CDR2: variants seen among roughly 807,000 people sequenced by gnomAD.
The protein encoded by CDR2 is cerebellar degeneration related protein 2.
A neutral mutation model predicts 48.4 loss-of-function variants in CDR2; 34 were observed. The ratio of observed to expected loss-of-function variants is 0.70; its 90% CI spans 0.53 to 0.94. CDR2 has a LOEUF of 0.94. CDR2 is among the 40% of genes least tolerant of loss of function. The probability of loss-of-function intolerance (pLI) is 0.00; values close to 1 mark genes in which losing one functional copy is unlikely to be tolerated. For synonymous variants in CDR2, 240 were observed against 219.7 expected (o/e 1.09, Z -0.82); for missense variants, 498 against 549.5 (o/e 0.91, Z 0.94).
chr16:22,372,897 G>T (rs976208205), intron 1 of CDR2, among the ~76,000 whole-genome samples: 1 of 152,132 alleles, frequency 6.6e-6, no homozygotes, highest in Non-Finnish European at 1.5e-5. Context: ...TGGTTAGCAT[G>T]AACAAGCAAC....
chr16:22,366,325 T>A (rs575807232), intron 1 of CDR2, among the ~76,000 whole-genome samples: 73 of 152,182 alleles, frequency 4.8e-4, no homozygotes, highest in Non-Finnish European at 8.4e-4. Flanking sequence ...ATTAAAAAAA[T>A]ATCCCTGCCC....
chr16:22,349,142 G>T, intron 4 of CDR2, 137 bp downstream of exon 4: 1 of 840,008 alleles, frequency 1.2e-6, no homozygotes, highest in Non-Finnish European at 1.9e-6. Flanking sequence ...ATGTTTAAGT[G>T]ATTTTGTTCA....
At chr16:22,360,901 C>A (rs922257122) in intron 2 of CDR2, among the ~76,000 whole-genome samples, 2 of 151,850 alleles carry the variant, frequency 1.3e-5, no homozygotes, top group Non-Finnish European at 1.5e-5. Flanking sequence ...AGGGATGCAC[C>A]ACCATGCCCA....
At chr16:22,352,616 G>A (rs1216972594) in intron 2 of CDR2, among the ~76,000 whole-genome samples, 1 of 151,912 alleles carries the variant, frequency 6.6e-6, no homozygotes, top group African/African-American at 2.4e-5. Flanking sequence ...TATGAACTAA[G>A]ACTATAAACA....
chr16:22,362,213 T>C (rs1416893114), intron 2 of CDR2, among the ~76,000 whole-genome samples: 1 of 152,226 alleles, frequency 6.6e-6, no homozygotes, highest in African/African-American at 2.4e-5. Flanking sequence ...ATTTTATACC[T>C]ATTTAATCAT....
intron 1 of CDR2, among the ~76,000 whole-genome samples, chr16:22,370,576 T>A (rs2049069320): frequency 6.6e-6 from 1 of 152,190 alleles, no homozygotes; most frequent in African/African-American, 2.4e-5. Flanking sequence ...TTACCTGCAC[T>A]GAAGGCTCCT....
chr16:22,350,359 C>A (rs1275391024), intron 2 of CDR2, among the ~76,000 whole-genome samples: 2 of 152,158 alleles, frequency 1.3e-5, no homozygotes, highest in Non-Finnish European at 2.9e-5. Context: ...TTCTCCAGGT[C>A]TTCTCTCACA....
At chr16:22,366,800 G>A (rs1462172914) in intron 1 of CDR2, among the ~76,000 whole-genome samples, 2 of 152,112 alleles carry the variant, frequency 1.3e-5, no homozygotes, top group African/African-American at 2.4e-5. Flanking sequence ...AGGGTGAATG[G>A]GACAAAGGTG....
chr16:22,358,715 C>T (rs886270949), intron 2 of CDR2, among the ~76,000 whole-genome samples: 45 of 152,160 alleles, frequency 3.0e-4, no homozygotes, highest in Non-Finnish European at 3.1e-4. Flanking sequence ...GAAATATTTC[C>T]TATTACTTTT....
intron 4 of CDR2, 78 bp from the exon 5 acceptor site, chr16:22,347,901 CA>C: frequency 7.5e-7 from 1 of 1,337,130 alleles, no homozygotes; most frequent in Non-Finnish European, 1.0e-6. Flanking sequence ...GATTTTTTTT[CA>C]ACTAAATAAA....
chr16:22,368,926 G>A (rs1236585099), intron 1 of CDR2: 1 of 152,156 alleles, frequency 6.6e-6, no homozygotes, highest in Non-Finnish European at 1.5e-5. Context: ...AAATGAAAAA[G>A]GAACTATGTA....
chr16:22,350,592 C>A (rs2048935683), intron 2 of CDR2, among the ~76,000 whole-genome samples: 1 of 152,110 alleles, frequency 6.6e-6, no homozygotes, highest in Admixed American at 6.6e-5. Flanking sequence ...TTTTATTATA[C>A]CACAATACCA....
chr16:22,367,192 T>G (rs1404751550), intron 1 of CDR2: 1 of 152,174 alleles, frequency 6.6e-6, no homozygotes, highest in African/African-American at 2.4e-5. Context: ...CCCAGCTTAC[T>G]TACTTACTGA....
intron 1 of CDR2, among the ~76,000 whole-genome samples, chr16:22,371,196 CGAG>C (rs2049073371): frequency 6.7e-6 from 1 of 150,002 alleles, no homozygotes; most frequent in Non-Finnish European, 1.5e-5. Context: ...GGGGACAGAG[CGAG>C]ACTCCACCTC....
At chr16:22,365,544 T>C (rs2049039419) in intron 1 of CDR2, among the ~76,000 whole-genome samples, 1 of 152,224 alleles carries the variant, frequency 6.6e-6, no homozygotes, top group Non-Finnish European at 1.5e-5. Flanking sequence ...CAGGTCACTC[T>C]ACTTCTCTTC....
intron 2 of CDR2, among the ~76,000 whole-genome samples, chr16:22,363,942 ATTATTT>A (rs1027819561): frequency 2.2e-4 from 34 of 152,018 alleles, no homozygotes; most frequent in African/African-American, 8.0e-4. Flanking sequence ...TTATATTATT[ATTATTT>A]TTTTATTGAG....
At chr16:22,353,192 GCC>G (rs965399775) in intron 2 of CDR2, among the ~76,000 whole-genome samples, 1 of 152,092 alleles carries the variant, frequency 6.6e-6, no homozygotes, top group Admixed American at 6.5e-5. Flanking sequence ...AACTGTTCCT[GCC>G]CAGTGACAAG....
chr16:22,370,663 GAC>G (rs1276438089), intron 1 of CDR2, among the ~76,000 whole-genome samples: 4 of 152,144 alleles, frequency 2.6e-5, no homozygotes, highest in African/African-American at 9.7e-5. Flanking sequence ...TCTGACAAAA[GAC>G]AGTCTCTTCA....
At chr16:22,354,230 T>C (rs1262221927) in intron 2 of CDR2, among the ~76,000 whole-genome samples, 1 of 152,110 alleles carries the variant, frequency 6.6e-6, no homozygotes, top group Non-Finnish European at 1.5e-5. Flanking sequence ...CTTAGAGAAA[T>C]GTTGATCTTG....
Sources: allele counts gnomAD v4.1 joint callset (sites outside exome capture counted in the v4.1 genomes callset), GRCh38; gene constraint gnomAD v4.1.1; transcripts MANE v1.5; gene names NCBI Gene and HGNC (gene_info 2026-07-23, HGNC 2026-07-21).